Variants in NAV2 observed in about 807,000 individuals in gnomAD.
NAV2 encodes helicase, APC down-regulated 1.
NAV2 carries 54 observed loss-of-function variants against 223.2 expected under a neutral mutation model. The ratio of observed to expected loss-of-function variants is 0.24; its 90% confidence interval spans 0.19 to 0.30. The LOEUF (loss-of-function observed/expected upper bound fraction) is 0.30. NAV2 is among the 10% of genes least tolerant of loss of function. The pLI, the probability that NAV2 is intolerant of heterozygous loss-of-function variation, is 1.00. For synonymous variants in NAV2, 1,279 were observed against 1,239.3 expected, an observed-to-expected ratio of 1.03 and a Z score of -0.67; for missense variants, 2,806 against 3,147.5, an observed-to-expected ratio of 0.89 and a Z score of 2.60.
Position 19,356,621 on chromosome 11 carries a change from C to T in NAV2, c.75+5594C>T, listed in dbSNP as rs77457249. Among the ~76,000 whole-genome samples, 950 of 152,234 alleles carry T rather than the reference C, an allele frequency of 6.2e-3. 4 individuals carry two copies. The highest frequency in any genetic ancestry group is 0.01 in the Non-Finnish European group (687 of 68,022). Reference sequence around the variant, plus strand: ...TATAAGGGGCCAAGTGAAAGGCACACTGAAGAGAGAACTAAATAAGCAGCT... The same window carrying T: ...TATAAGGGGCCAAGTGAAAGGCACATTGAAGAGAGAACTAAATAAGCAGCT... On this transcript the variant is annotated intron_variant, in intron 1 of 37. Coordinates refer to the NAV2 transcript ENST00000360655.
intron 3 of NAV2, among the ~76,000 whole-genome samples, chr11:19,865,220 A>G (rs981952291): frequency 2.6e-5 from 4 of 152,174 alleles, no homozygotes; most frequent in East Asian, 1.9e-4. Context: ...TGGATCACAC[A>G]TAAGTCTTGT....
At chr11:19,476,141 A>C (rs2632033) in intron 1 of NAV2, among the ~76,000 whole-genome samples, 82,449 of 151,832 alleles carry the variant, frequency 0.54, 22,355 homozygotes, top group Admixed American at 0.58. Context: ...TGTCCAGCTA[A>C]TTTTTGTATT....
At chr11:19,683,475 G>A (rs1171009055) in intron 1 of NAV2, among the ~76,000 whole-genome samples, 1 of 152,242 alleles carries the variant, frequency 6.6e-6, no homozygotes, top group Admixed American at 6.5e-5. Context: ...ATTGTACTGA[G>A]CTCAGCCAAA....
intron 26 of NAV2, among the ~76,000 whole-genome samples, chr11:20,088,054 G>A (rs1419832416): frequency 6.6e-6 from 1 of 152,162 alleles, no homozygotes; most frequent in African/African-American, 2.4e-5. Context: ...AACATGTTAA[G>A]TTGAAATGAA....
chr11:20,055,856 A>T lies in NAV2; in HGVS notation c.4730A>T (p.Asp1577Val). 2.5e-6 allele frequency: 4 copies of T among 1,614,190 alleles called. No individual in the cohort carries two copies. Among genetic ancestry groups the T allele is most frequent in the Non-Finnish European group, 3.4e-6 (4 of 1,180,032 alleles). The stretch of plus-strand genomic sequence containing the variant: ...CTCTCCAATGCTGATGGGCAGTATG[A>T]TCCATACACTGACAGCCGCTTCCGG... ...HSLSNADGQY[D>V]PYTDSRFRNS... The change falls in exon 19 of 38, where the codon GAT (aspartate) becomes GTT (valine). Residue 1577 changes from aspartate (D) to valine (V), a missense_variant. Physicochemically the swap from Asp to Val is radical, Grantham distance 152. Transcript: ENST00000349880.
rs747256880 is a variant in NAV2 at position 19,832,570 on chromosome 11, C to T, written c.354C>T (p.Gly118=). 8.1e-6 allele frequency: 13 copies of T among 1,614,020 alleles called. No individual in the cohort carries two copies. The highest frequency in any genetic ancestry group is 4.4e-5 in the South Asian group (4 of 91,082). ...ATCTCCAGCAAGATGTGACAGATGG[C>T]GTCCTCCTGGCCCAGATTATCCAGG... ...IRDLQQDVTD[G]VLLAQIIQVV... The change falls in exon 2 of 38, where the codon GGC becomes GGT. Residue 118 remains glycine (G), a synonymous_variant. Transcript: ENST00000349880.
chr11:19,786,756 A>G (rs568876875), intron 1 of NAV2, among the ~76,000 whole-genome samples: 2 of 152,310 alleles, frequency 1.3e-5, no homozygotes, highest in Admixed American at 1.3e-4. Flanking sequence ...ATAGCTCCCT[A>G]CTGTCCAGTT....
intron 1 of NAV2, among the ~76,000 whole-genome samples, chr11:19,615,582 G>A (rs10732468): frequency 1 from 151,921 of 152,246 alleles, 75,799 homozygotes; most frequent in Middle Eastern, 1. Context: ...GTGGCTAGGC[G>A]CTCAGTGCTA....
chr11:19,578,547 G>GGTGACATT (rs1169349228), intron 1 of NAV2, among the ~76,000 whole-genome samples: 22 of 152,270 alleles, frequency 1.4e-4, no homozygotes, highest in Admixed American at 8.5e-4. Context: ...CCTGCTCTGT[G>GGTGACATT]GTGACATTGT....
intron 1 of NAV2, among the ~76,000 whole-genome samples, chr11:19,703,213 C>T (rs972129558): frequency 7.2e-5 from 11 of 152,124 alleles, no homozygotes; most frequent in African/African-American, 2.7e-4. Context: ...TTTAGGCCAA[C>T]ACATCCTTTT....
rs191039218 is a variant in NAV2, at chr11:19,817,894, A to G, written c.268-14590A>G. 3.1e-3 allele frequency among the ~76,000 whole-genome samples: 476 copies of G among 152,242 alleles called. 2 individuals carry two copies. The highest frequency in any genetic ancestry group is 0.011 in the African/African-American group (447 of 41,522). Reference sequence around the variant, plus strand: ...GATTCCACTTGCCCTAGAAAGCACCAGTAAGAATACAGATTGCACTGGAGA... The same window carrying G: ...GATTCCACTTGCCCTAGAAAGCACCGGTAAGAATACAGATTGCACTGGAGA... On this transcript the variant is annotated intron_variant, in intron 1 of 37. Coordinates refer to ENST00000349880, the MANE Select transcript of NAV2 (RefSeq NM_145117.5).
At chr11:19,619,542 G>C (rs1247510774) in intron 1 of NAV2, among the ~76,000 whole-genome samples, 2 of 152,170 alleles carry the variant, frequency 1.3e-5, no homozygotes. Context: ...GTGTCTGTTG[G>C]CTGCATAAAT....
chr11:20,098,851 A>G (rs1684078848), intron 31 of NAV2, among the ~76,000 whole-genome samples: 1 of 152,252 alleles, frequency 6.6e-6, no homozygotes, highest in African/African-American at 2.4e-5. Context: ...AGCTGGATCC[A>G]GGTGGTCAGA....
intron 10 of NAV2, among the ~76,000 whole-genome samples, chr11:19,977,977 TTTTTTTTTG>T (rs546999437): frequency 8.7e-5 from 8 of 91,912 alleles, no homozygotes; most frequent in South Asian, 3.6e-4. Context: ...GCTCATTTTG[TTTTTTTTTG>T]TTTTTTTTGG....
intron 1 of NAV2, among the ~76,000 whole-genome samples, chr11:19,670,016 G>T (rs1432893941): frequency 6.6e-6 from 1 of 152,174 alleles, no homozygotes; most frequent in Non-Finnish European, 1.5e-5. Context: ...AGTCCCATGC[G>T]ATCCAGCTCC....
intron 1 of NAV2, among the ~76,000 whole-genome samples, chr11:19,632,078 A>C (rs548901501): frequency 6.6e-6 from 1 of 152,314 alleles, no homozygotes; most frequent in South Asian, 2.1e-4. Flanking sequence ...GGTGTGGGGA[A>C]TAGCTATTAC....
chr11:19,549,047 G>A (rs985531859), intron 1 of NAV2, among the ~76,000 whole-genome samples: 1 of 152,196 alleles, frequency 6.6e-6, no homozygotes, highest in Non-Finnish European at 1.5e-5. Flanking sequence ...CTTCTCAGAG[G>A]GAGAGGGGCT....
At chr11:19,738,372 C>T (rs1175368825) in intron 1 of NAV2, among the ~76,000 whole-genome samples, 1 of 152,230 alleles carries the variant, frequency 6.6e-6, no homozygotes, top group Non-Finnish European at 1.5e-5. Flanking sequence ...GCCGGATTTC[C>T]AGTTCTGTAG....
intron 1 of NAV2, among the ~76,000 whole-genome samples, chr11:19,764,254 G>T (rs1405629295): frequency 6.6e-6 from 1 of 152,156 alleles, no homozygotes; most frequent in African/African-American, 2.4e-5. Context: ...TGATAAGCAT[G>T]CATTTTATAA....
Sources: gnomAD v4.1 joint callset for allele counts (sites outside exome capture counted in the v4.1 genomes callset) on GRCh38, gnomAD v4.1.1 for gene constraint, MANE v1.5 for transcripts, NCBI Gene and HGNC (gene_info 2026-07-23, HGNC 2026-07-21) for gene names.